Variants in NPAS3 observed in about 807,000 individuals in gnomAD.
NPAS3 encodes the protein neuronal PAS domain-containing protein 3.
Under a neutral mutation model 73.1 loss-of-function variants are expected in NPAS3, and 14 were observed. That is an observed-to-expected ratio of 0.19 (90% CI 0.13 to 0.30). The LOEUF is 0.30. Among genes scored for constraint, NPAS3 ranks in the 10% least tolerant of loss-of-function variants. The pLI is 1.00. For missense variants in NPAS3, 1,096 were observed against 1,250.0 expected (o/e 0.88, Z 1.86); for synonymous variants, 620 against 541.5 (o/e 1.14, Z -2.01).
chr14:33,492,877 T>G (rs2051971742), intron 4 of NPAS3, among the ~76,000 whole-genome samples: 1 of 152,192 alleles, frequency 6.6e-6, no homozygotes, highest in Non-Finnish European at 1.5e-5. Flanking sequence ...ACCTGTTAGA[T>G]TGACCTTTTT....
intron 4 of NPAS3, among the ~76,000 whole-genome samples, chr14:33,453,259 G>C (rs17101219): frequency 0.091 from 13,921 of 152,228 alleles, 679 homozygotes; most frequent in African/African-American, 0.13. Context: ...ATTCCCTGGT[G>C]TGATTGAGTT....
chr14:33,473,385 A>C (rs2050875831), intron 4 of NPAS3, among the ~76,000 whole-genome samples: 1 of 152,204 alleles, frequency 6.6e-6, no homozygotes, highest in African/African-American at 2.4e-5. Flanking sequence ...GGAGGAAAGA[A>C]GTTGATGAAT....
At chr14:33,548,726 A>C (rs1404359371) in intron 4 of NPAS3, among the ~76,000 whole-genome samples, 1 of 152,198 alleles carries the variant, frequency 6.6e-6, no homozygotes, top group Non-Finnish European at 1.5e-5. Context: ...AATGCACACT[A>C]AGTTATACCT....
chr14:33,400,331 A>C (rs2138738165), intron 4 of NPAS3, among the ~76,000 whole-genome samples: 1 of 152,292 alleles, frequency 6.6e-6, no homozygotes, highest in East Asian at 1.9e-4. Flanking sequence ...CATAATAGCA[A>C]GTGTTCACCT....
chr14:33,774,290 T>A, intron 7 of NPAS3, 47 bp from the exon 8 acceptor site: 1 of 1,467,010 alleles, frequency 6.8e-7, no homozygotes, highest in Non-Finnish European at 9.5e-7. Flanking sequence ...CTGTTATATC[T>A]GGGATGTAAA....
chr14:33,755,384 C>G (rs1054425266), intron 7 of NPAS3, among the ~76,000 whole-genome samples: 7 of 152,156 alleles, frequency 4.6e-5, no homozygotes, highest in Non-Finnish European at 1.0e-4. Context: ...CCACTTTTAA[C>G]AGAAGCCTTC....
chr14:33,195,543 T>C (rs2046322384), intron 2 of NPAS3, among the ~76,000 whole-genome samples: 2 of 152,318 alleles, frequency 1.3e-5, no homozygotes, highest in East Asian at 3.9e-4. Flanking sequence ...GCTGAGATTA[T>C]AGGCATGAGC....
At chr14:33,155,531 C>T (rs945586367) in intron 2 of NPAS3, among the ~76,000 whole-genome samples, 4 of 152,134 alleles carry the variant, frequency 2.6e-5, no homozygotes, top group Non-Finnish European at 5.9e-5. Context: ...GTCAAGGTTA[C>T]AGGCATGAGC....
At chr14:32,952,992 G>C (rs1320420395) in intron 1 of NPAS3, among the ~76,000 whole-genome samples, 2 of 151,830 alleles carry the variant, frequency 1.3e-5, no homozygotes, top group Non-Finnish European at 2.9e-5. Context: ...GATTGCTTGA[G>C]CCCAGGAGTT....
At chr14:33,261,761 T>G (rs1465789450) in intron 3 of NPAS3, among the ~76,000 whole-genome samples, 1 of 152,114 alleles carries the variant, frequency 6.6e-6, no homozygotes, top group Non-Finnish European at 1.5e-5. Flanking sequence ...AGTTAGGTAG[T>G]TTTATTTCTA....
At chr14:33,201,851 T>G (rs1336288430) in intron 2 of NPAS3, among the ~76,000 whole-genome samples, 1 of 152,184 alleles carries the variant, frequency 6.6e-6, no homozygotes, top group Non-Finnish European at 1.5e-5. Flanking sequence ...TCATGTGCTT[T>G]CCTCCATCTG....
At chr14:33,471,948 A>G (rs74863175) in intron 4 of NPAS3, among the ~76,000 whole-genome samples, 3,804 of 152,304 alleles carry the variant, frequency 0.025, 80 homozygotes, top group Middle Eastern at 0.061. Flanking sequence ...CATAAACTCT[A>G]TTGTGAACTA....
At chr14:33,224,609 C>G (rs934309470) in intron 3 of NPAS3, among the ~76,000 whole-genome samples, 3 of 152,018 alleles carry the variant, frequency 2.0e-5, no homozygotes, top group South Asian at 2.1e-4. Flanking sequence ...AGAATTTGGG[C>G]CTCTGTGATC....
chr14:33,207,041 G>A (rs866413135), intron 2 of NPAS3, among the ~76,000 whole-genome samples: 1 of 152,136 alleles, frequency 6.6e-6, no homozygotes, highest in Non-Finnish European at 1.5e-5. Flanking sequence ...GCAAAGACCC[G>A]TGATCCTGAA....
chr14:33,376,274 TA>T lies in NPAS3; in HGVS notation c.468+9014del, dbSNP rs535428698. ...ATTTTGAGGAAATATTATATAGTTG[TA>T]AAAAAAAGTTTAACATCTTTTATTT... On this transcript the variant is annotated intron_variant, in intron 4 of 11. Transcript: ENST00000356141. Among the ~76,000 whole-genome samples the T allele has an allele frequency of 1.2e-3, 180 of 152,090 alleles. 1 individual carries two copies. The highest frequency in any genetic ancestry group is 2.2e-3 in the Admixed American group (33 of 15,268).
At chr14:33,665,109 G>C (rs2059416473) in intron 5 of NPAS3, among the ~76,000 whole-genome samples, 1 of 152,206 alleles carries the variant, frequency 6.6e-6, no homozygotes, top group Admixed American at 6.5e-5. Flanking sequence ...AACCATCCCA[G>C]ATGCCCATCG....
intron 9 of NPAS3, chr14:33,780,830 G>T: frequency 3.8e-6 from 1 of 263,962 alleles, no homozygotes; most frequent in South Asian, 3.6e-5. Context: ...TAATTTTTCT[G>T]GTATCTTGCC....
intron 4 of NPAS3, among the ~76,000 whole-genome samples, chr14:33,518,959 A>G (rs139628014): frequency 1.3e-5 from 2 of 152,280 alleles, no homozygotes; most frequent in Admixed American, 6.5e-5. Flanking sequence ...ATGAATGAGT[A>G]AATTAATGAC....
chr14:33,366,785 T>C (rs2045864332), intron 3 of NPAS3, among the ~76,000 whole-genome samples: 1 of 152,138 alleles, frequency 6.6e-6, no homozygotes, highest in African/African-American at 2.4e-5. Flanking sequence ...AGAAGTTTAG[T>C]TTTCTCTGGG....
Sources: gnomAD v4.1 joint callset for allele counts (sites outside exome capture counted in the v4.1 genomes callset) on GRCh38, gnomAD v4.1.1 for gene constraint, MANE v1.5 for transcripts, NCBI Gene and HGNC (gene_info 2026-07-23, HGNC 2026-07-21) for gene names.